The following SCARA5 variants were observed in gnomAD, a reference collection of about 807,000 sequenced individuals.
SCARA5 encodes scavenger receptor class A member 5.
Under a neutral mutation model 46.3 loss-of-function variants are expected in SCARA5, and 45 were observed. The ratio of observed to expected loss-of-function variants is 0.97; its 90% CI spans 0.76 to 1.24. The LOEUF (loss-of-function observed/expected upper bound fraction) is 1.24, where lower values mean the gene tolerates loss of function less well. SCARA5 is among the 50% of genes most tolerant of loss of function. SCARA5 has a pLI of 0.00. For missense variants in SCARA5, 680 were observed against 689.0 expected (o/e 0.99, Z 0.15); for synonymous variants, 333 against 306.5 (o/e 1.09, Z -0.90).
chr8:27,884,113 T>C (rs1473831138), intron 7 of SCARA5, among the ~76,000 whole-genome samples: 1 of 152,068 alleles, frequency 6.6e-6, no homozygotes, highest in Admixed American at 6.5e-5. Context: ...ACCCCAGGAA[T>C]GATGCTAAAG....
chr8:27,901,395 G>C (rs1282115783), intron 7 of SCARA5, among the ~76,000 whole-genome samples: 2 of 152,132 alleles, frequency 1.3e-5, no homozygotes, highest in African/African-American at 4.8e-5. Context: ...GAGGAGGGTA[G>C]CTCTCCGGTG....
chr8:27,896,833 C>T (rs1057325978), intron 7 of SCARA5, among the ~76,000 whole-genome samples: 1 of 152,118 alleles, frequency 6.6e-6, no homozygotes, highest in Non-Finnish European at 1.5e-5. Flanking sequence ...GTGGCTCACG[C>T]CGGTAATCCA....
chr8:27,870,195 G>T lies in SCARA5; in HGVS notation c.*1739C>A, dbSNP rs1354121218. 2 of 147,198 alleles carry T rather than the reference G, an allele frequency of 1.4e-5. No individual in the cohort carries two copies. Among genetic ancestry groups the T allele is most frequent in the Non-Finnish European group, 3.0e-5 (2 of 66,914 alleles). 9.1% of individuals were successfully genotyped at this position (147,198 alleles called of 1,614,324 possible). The stretch of plus-strand genomic sequence containing the variant: ...GGGTTGGGAATTTAGTTTGTTCAAT[G>T]TGGCATCTTTCACCTTTAGTTTTTT... On this transcript the variant is annotated 3_prime_UTR_variant, in exon 9 of 9. Transcript: ENST00000354914.
chr8:27,953,471 T>A (rs1808162011), intron 3 of SCARA5, among the ~76,000 whole-genome samples: 1 of 152,220 alleles, frequency 6.6e-6, no homozygotes. Context: ...TGATGGTAAC[T>A]CCATAAAGTG....
At chr8:27,935,099 T>A (rs1400207991) in intron 3 of SCARA5, among the ~76,000 whole-genome samples, 1 of 152,226 alleles carries the variant, frequency 6.6e-6, no homozygotes, top group East Asian at 1.9e-4. Flanking sequence ...AGGAAATCGA[T>A]TCTCCCTGAA....
At chr8:27,907,466 C>T (rs1395626342) in intron 5 of SCARA5, among the ~76,000 whole-genome samples, 1 of 152,128 alleles carries the variant, frequency 6.6e-6, no homozygotes, top group African/African-American at 2.4e-5. Context: ...TTGGGATCCT[C>T]CTGCTAGAAA....
intron 3 of SCARA5, among the ~76,000 whole-genome samples, chr8:27,948,422 G>T (rs944229528): frequency 2.0e-5 from 3 of 152,230 alleles, no homozygotes; most frequent in Non-Finnish European, 4.4e-5. Flanking sequence ...TGGGAGCCAC[G>T]AGCTGGAGCC....
intron 1 of SCARA5, among the ~76,000 whole-genome samples, chr8:27,989,669 G>A (rs1465673637): frequency 6.6e-6 from 1 of 152,216 alleles, no homozygotes; most frequent in Non-Finnish European, 1.5e-5. Flanking sequence ...GGGAGGGATG[G>A]AACAGGGGGT....
intron 3 of SCARA5, 94 bp from the exon 4 acceptor site, chr8:27,922,339 G>A (rs1230303678): frequency 2.5e-6 from 2 of 796,412 alleles, no homozygotes; most frequent in Non-Finnish European, 3.8e-6. Context: ...GCATGCAGTA[G>A]GTGCTCAATA....
At chr8:27,889,049 C>T (rs180974882) in intron 7 of SCARA5, among the ~76,000 whole-genome samples, 5 of 151,836 alleles carry the variant, frequency 3.3e-5, no homozygotes, top group African/African-American at 1.2e-4. Context: ...TTGTACTGAG[C>T]CTGCCCTTCA....
intron 2 of SCARA5, among the ~76,000 whole-genome samples, chr8:27,977,257 C>A (rs1449781812): frequency 6.6e-6 from 1 of 152,176 alleles, no homozygotes; most frequent in African/African-American, 2.4e-5. Flanking sequence ...AGGATTTCAA[C>A]ATAGGAATTT....
chr8:27,978,015 G>A (rs1446474186), intron 2 of SCARA5, among the ~76,000 whole-genome samples: 1 of 145,512 alleles, frequency 6.9e-6, no homozygotes, highest in Non-Finnish European at 1.5e-5. Context: ...TTAGTTTCTT[G>A]TGTCTTTTGT....
chr8:27,940,712 G>A (rs1807929875), intron 3 of SCARA5, among the ~76,000 whole-genome samples: 1 of 111,884 alleles, frequency 8.9e-6, no homozygotes, highest in Admixed American at 1.1e-4. Flanking sequence ...CCAACCATCT[G>A]CCCATCCACC....
intron 2 of SCARA5, among the ~76,000 whole-genome samples, chr8:27,977,102 C>T (rs566889775): frequency 2.0e-5 from 3 of 152,308 alleles, no homozygotes; most frequent in East Asian, 1.9e-4. Flanking sequence ...CCACTCCTCA[C>T]GGTATACTCC....
chr8:27,986,204 G>T (rs566026860), intron 2 of SCARA5, among the ~76,000 whole-genome samples: 75 of 152,334 alleles, frequency 4.9e-4, no homozygotes, highest in African/African-American at 1.8e-3. Context: ...CGCCTGACTG[G>T]TGTGAGCCTT....
chr8:27,882,257 T>C (rs1806823788), intron 7 of SCARA5, among the ~76,000 whole-genome samples: 1 of 152,202 alleles, frequency 6.6e-6, no homozygotes, highest in Non-Finnish European at 1.5e-5. Flanking sequence ...GGTATTCCAT[T>C]TTCTATGTGC....
chr8:27,900,226 G>A (rs1023422962), intron 7 of SCARA5, among the ~76,000 whole-genome samples: 1 of 152,142 alleles, frequency 6.6e-6, no homozygotes, highest in East Asian at 1.9e-4. Flanking sequence ...AACTTTTGGT[G>A]CTCCATTATC....
chr8:27,991,861 GCA>G (rs370476859), intron 1 of SCARA5, among the ~76,000 whole-genome samples: 324 of 144,860 alleles, frequency 2.2e-3, no homozygotes, highest in African/African-American at 7.2e-3. Context: ...ACACACACAT[GCA>G]CACACACACA....
chr8:27,979,040 T>A (rs988401502), intron 2 of SCARA5, among the ~76,000 whole-genome samples: 1 of 152,092 alleles, frequency 6.6e-6, no homozygotes, highest in African/African-American at 2.4e-5. Context: ...CAGGTCTAAT[T>A]CCACCCACAC....
Sources: allele counts gnomAD v4.1 joint callset (sites outside exome capture counted in the v4.1 genomes callset), GRCh38; gene constraint gnomAD v4.1.1; transcripts MANE v1.5; gene names NCBI Gene and HGNC (gene_info 2026-07-23, HGNC 2026-07-21).